The following UBAP2 variants were observed in gnomAD, a reference collection of about 807,000 sequenced individuals.
The protein encoded by UBAP2 is ubiquitin associated protein 2.
In UBAP2, 75 loss-of-function variants were observed where a neutral mutation model predicts 139.6. That is an observed-to-expected ratio of 0.54 (90% CI 0.45 to 0.65). The LOEUF is 0.65. Among genes scored for constraint, UBAP2 ranks in the 30% least tolerant of loss-of-function variants. The pLI, the probability that UBAP2 is intolerant of heterozygous loss-of-function variation, is 0.00. For missense variants in UBAP2, 1,368 were observed against 1,369.6 expected (o/e 1.00, Z 0.02); for synonymous variants, 526 against 526.2 (o/e 1.00, Z 0.01).
rs546049382 is a variant in UBAP2 at position 33,937,894 on chromosome 9, G to A, written c.1930-2016C>T. 5.7e-4 allele frequency among the ~76,000 whole-genome samples: 87 copies of A among 152,184 alleles called. 1 individual carries two copies. The highest frequency in any genetic ancestry group is 2.0e-3 in the African/African-American group (81 of 41,498). ...CCGGGACCGTGGCACTCCAGCCTGGGCAACAACAGCAAACCTCCCTCTCAA... is the reference window on the plus strand; with the variant it reads ...CCGGGACCGTGGCACTCCAGCCTGGACAACAACAGCAAACCTCCCTCTCAA... On this transcript the variant is annotated intron_variant, in intron 16 of 28. Transcript: ENST00000379238.
At chr9:33,969,459 G>A (rs1827725984) in intron 8 of UBAP2, among the ~76,000 whole-genome samples, 1 of 151,962 alleles carries the variant, frequency 6.6e-6, no homozygotes. Flanking sequence ...GATTAAGGTG[G>A]GATGGCTTGA....
At chr9:34,016,356 A>G (rs1157573443) in intron 2 of UBAP2, among the ~76,000 whole-genome samples, 8 of 20,006 alleles carry the variant, frequency 4.0e-4, no homozygotes, top group African/African-American at 9.4e-4. Flanking sequence ...AGGAGGCAGC[A>G]GCGGCGGCAG....
chr9:33,928,949 C>G (rs1222910872), intron 19 of UBAP2: 1 of 152,314 alleles, frequency 6.6e-6, no homozygotes, highest in South Asian at 2.1e-4. Context: ...CCCGCCTGGG[C>G]ACTGGCTTTA....
At chr9:33,979,155 T>C (rs1820416223) in intron 6 of UBAP2, among the ~76,000 whole-genome samples, 3 of 152,138 alleles carry the variant, frequency 2.0e-5, no homozygotes, top group African/African-American at 4.8e-5. Flanking sequence ...GGAGTATTGC[T>C]TGAACGTAAG....
chr9:34,007,626 T>G (rs1289285873), intron 2 of UBAP2, among the ~76,000 whole-genome samples: 7 of 151,246 alleles, frequency 4.6e-5, no homozygotes, highest in Admixed American at 2.6e-4. Context: ...ATATGTTTTT[T>G]GTCCTTGTAT....
chr9:33,926,350 A>G (rs1414730212), intron 22 of UBAP2, among the ~76,000 whole-genome samples: 1 of 152,218 alleles, frequency 6.6e-6, no homozygotes, highest in African/African-American at 2.4e-5. Flanking sequence ...ATAAGGACCA[A>G]CATTTAACAG....
intron 1 of UBAP2, among the ~76,000 whole-genome samples, chr9:34,033,171 T>A (rs1454891616): frequency 6.6e-6 from 1 of 152,172 alleles, no homozygotes; most frequent in Non-Finnish European, 1.5e-5. Flanking sequence ...GCATTCCTGT[T>A]TGTTGCAGCA....
intron 1 of UBAP2, among the ~76,000 whole-genome samples, chr9:34,030,915 G>A (rs1825834966): frequency 6.6e-6 from 1 of 151,236 alleles, no homozygotes. Flanking sequence ...GGGCGACAGA[G>A]CAAGACTCAT....
chr9:34,022,073 T>C (rs1390257563), intron 1 of UBAP2, among the ~76,000 whole-genome samples: 1 of 152,002 alleles, frequency 6.6e-6, no homozygotes, highest in East Asian at 1.9e-4. Context: ...GGTGAAACCC[T>C]ACCTGTATTA....
At chr9:34,007,969 C>T (rs2131235435) in intron 2 of UBAP2, among the ~76,000 whole-genome samples, 1 of 152,158 alleles carries the variant, frequency 6.6e-6, no homozygotes, top group South Asian at 2.1e-4. Context: ...GAGATGTATC[C>T]TGTTCATTGA....
At chr9:33,981,228 T>TATATATATATATTCTGG (rs1318571492) in intron 6 of UBAP2, among the ~76,000 whole-genome samples, 1 of 103,888 alleles carries the variant, frequency 9.6e-6, no homozygotes, top group Non-Finnish European at 1.8e-5. Flanking sequence ...ATATTCTGGA[T>TATATATATATATTCTGG]ATATATATAT....
At chr9:33,937,680 G>A (rs2130907456) in intron 16 of UBAP2, among the ~76,000 whole-genome samples, 3 of 151,128 alleles carry the variant, frequency 2.0e-5, no homozygotes, top group Admixed American at 2.0e-4. Flanking sequence ...AGCTGTGGTG[G>A]GTTGATCACC....
In UBAP2 at chr9:33,943,336, T is replaced by G. The variant is rs2130932563; in HGVS notation, c.1715+84A>C. On this transcript the variant is annotated intron_variant, in intron 15 of 28. Coordinates refer to ENST00000379238, the MANE Select transcript of UBAP2 (RefSeq NM_001370062.2). ...GGTCTGGATAAACACTGAGGATAGC[T>G]ATTACCACAGGATGTATTCTTTTCC... 5.1e-6 allele frequency: 7 copies of G among 1,378,466 alleles called. No individual in the cohort carries two copies. In the African/African-American group the frequency reaches 8.6e-5, roughly 17 times the overall value. 85.4% of individuals were successfully genotyped at this position (1,378,466 alleles called of 1,614,324 possible). A position where few individuals can be genotyped will look rare whatever the true frequency, so the allele number is the denominator to read the frequency against.
intron 2 of UBAP2, among the ~76,000 whole-genome samples, chr9:34,000,574 G>A (rs1008015378): frequency 6.6e-6 from 1 of 152,028 alleles, no homozygotes; most frequent in Admixed American, 6.6e-5. Flanking sequence ...AAGTTGCCTC[G>A]CTAACCAAGT....
At chr9:34,038,152 A>G (rs1355795507) in intron 1 of UBAP2, among the ~76,000 whole-genome samples, 439 of 13,678 alleles carry the variant, frequency 0.032, 7 homozygotes, top group East Asian at 0.26. Context: ...GGAAAAAAAA[A>G]AAAAAAAAAA....
chr9:33,991,384 C>T (rs902882040), intron 4 of UBAP2, among the ~76,000 whole-genome samples: 3 of 152,012 alleles, frequency 2.0e-5, no homozygotes, highest in African/African-American at 7.3e-5. Context: ...GGAGGGGAGG[C>T]GGATTCCCAA....
At chr9:33,938,843 T>A (rs1824829841) in intron 16 of UBAP2, 1 of 429,266 alleles carries the variant, frequency 2.3e-6, no homozygotes, top group South Asian at 1.7e-5. Flanking sequence ...ATAGTTCACA[T>A]GGTTTTTCTT....
chr9:33,990,785 C>T (rs1821641569), intron 4 of UBAP2, among the ~76,000 whole-genome samples: 1 of 151,872 alleles, frequency 6.6e-6, no homozygotes, highest in Non-Finnish European at 1.5e-5. Context: ...TATAGGCGTA[C>T]ACCACCACAC....
intron 22 of UBAP2, among the ~76,000 whole-genome samples, chr9:33,926,160 C>G (rs1454771968): frequency 6.6e-6 from 1 of 152,204 alleles, no homozygotes; most frequent in Non-Finnish European, 1.5e-5. Flanking sequence ...GCTCAAGCCA[C>G]TCACTCAGCT....
Sources: gnomAD v4.1 joint callset for allele counts (sites outside exome capture counted in the v4.1 genomes callset) on GRCh38, gnomAD v4.1.1 for gene constraint, MANE v1.5 for transcripts, NCBI Gene and HGNC (gene_info 2026-07-23, HGNC 2026-07-21) for gene names.